THSD7B: variants seen among roughly 807,000 people sequenced by gnomAD.
THSD7B encodes thrombospondin type 1 domain containing 7B.
In THSD7B, 138 loss-of-function variants were observed where a neutral mutation model predicts 213.6. That is an observed-to-expected ratio of 0.65 (90% CI 0.56 to 0.74). THSD7B has a LOEUF of 0.74. Among genes scored for constraint, THSD7B ranks in the 30% least tolerant of loss-of-function variants. The probability of loss-of-function intolerance (pLI) is 0.00; values close to 1 mark genes in which losing one functional copy is unlikely to be tolerated. For missense variants in THSD7B, 1,931 were observed against 1,991.5 expected (o/e 0.97, Z 0.58); for synonymous variants, 742 against 687.0 (o/e 1.08, Z -1.25).
intron 20 of THSD7B, among the ~76,000 whole-genome samples, chr2:137,634,007 T>A (rs542109219): frequency 6.6e-6 from 1 of 152,284 alleles, no homozygotes; most frequent in South Asian, 2.1e-4. Context: ...TTCACTTATG[T>A]TGTCATCCAC....
chr2:136,771,131 A>C (rs1430966995), intron 1 of THSD7B, among the ~76,000 whole-genome samples: 1 of 152,100 alleles, frequency 6.6e-6, no homozygotes, highest in Non-Finnish European at 1.5e-5. Flanking sequence ...ATTTTTTTTC[A>C]ATCTCTGTTT....
At chr2:137,203,589 T>A (rs564074149) in intron 7 of THSD7B, among the ~76,000 whole-genome samples, 3 of 152,190 alleles carry the variant, frequency 2.0e-5, no homozygotes, top group Admixed American at 6.5e-5. Context: ...AACCTTTTTT[T>A]ATTTTATTAA....
intron 12 of THSD7B, among the ~76,000 whole-genome samples, chr2:137,350,551 G>A (rs1202377687): frequency 2.0e-5 from 3 of 151,746 alleles, no homozygotes; most frequent in Admixed American, 6.6e-5. Flanking sequence ...GTATCTAGAC[G>A]TTATGATAAA....
intron 16 of THSD7B, among the ~76,000 whole-genome samples, chr2:137,564,004 G>A (rs1681178856): frequency 6.6e-6 from 1 of 152,124 alleles, no homozygotes; most frequent in South Asian, 2.1e-4. Context: ...GAAGAACGAT[G>A]TCCTTACCAA....
At chr2:137,524,300 A>AT (rs760141208) in intron 15 of THSD7B, among the ~76,000 whole-genome samples, 3 of 152,094 alleles carry the variant, frequency 2.0e-5, no homozygotes, top group Non-Finnish European at 2.9e-5. Flanking sequence ...GAAATTCGTC[A>AT]TGTGGAACTG....
At chr2:137,672,266 A>AAGAGT (rs1247194506) in intron 27 of THSD7B, among the ~76,000 whole-genome samples, 3 of 152,184 alleles carry the variant, frequency 2.0e-5, no homozygotes, top group Non-Finnish European at 4.4e-5. Context: ...CCCTATTTTA[A>AAGAGT]AGAGTAATTG....
chr2:137,307,975 A>G (rs1015124924), intron 12 of THSD7B, among the ~76,000 whole-genome samples: 4 of 152,040 alleles, frequency 2.6e-5, no homozygotes, highest in Non-Finnish European at 5.9e-5. Context: ...AGAGGGAGGC[A>G]GGGGTGCAAA....
intron 15 of THSD7B, among the ~76,000 whole-genome samples, chr2:137,492,698 A>G (rs1679445689): frequency 6.6e-6 from 1 of 152,204 alleles, no homozygotes; most frequent in African/African-American, 2.4e-5. Flanking sequence ...ATTCTGCCAC[A>G]ATTGAATTAG....
At chr2:137,570,917 T>G (rs1253106890) in intron 16 of THSD7B, among the ~76,000 whole-genome samples, 1 of 152,202 alleles carries the variant, frequency 6.6e-6, no homozygotes, top group Non-Finnish European at 1.5e-5. Flanking sequence ...CAAAAGATAT[T>G]TTCACATAGA....
At chr2:136,806,848 G>C (rs1682291481) in intron 1 of THSD7B, among the ~76,000 whole-genome samples, 1 of 152,192 alleles carries the variant, frequency 6.6e-6, no homozygotes, top group Non-Finnish European at 1.5e-5. Context: ...TTCTCTGGAT[G>C]GTGATAGTTG....
At position 136,960,517 on chromosome 2, in the gene THSD7B, T is replaced by C. The variant is rs533598962; in HGVS notation, c.139+78200T>C. On this transcript the variant is annotated intron_variant, in intron 2 of 27. Coordinates refer to ENST00000409968, the MANE Select transcript of THSD7B (RefSeq NM_001316349.2). Reference sequence around the variant, plus strand: ...TCATTGGCAGTAAATACGGGGTAACTGTGGGAGGGGAATGCATTGAACTTT... The same window carrying C: ...TCATTGGCAGTAAATACGGGGTAACCGTGGGAGGGGAATGCATTGAACTTT... Among the ~76,000 whole-genome samples the C allele has an allele frequency of 2.0e-4, 31 of 152,268 alleles. 1 individual carries two copies. The South Asian group carries it at 4.8e-3, about 23-fold the overall frequency.
chr2:137,395,966 G>A (rs1344595871), intron 12 of THSD7B, among the ~76,000 whole-genome samples: 3 of 152,016 alleles, frequency 2.0e-5, no homozygotes, highest in Non-Finnish European at 4.4e-5. Flanking sequence ...TGTTTGTAGT[G>A]TTCTCTGATG....
At chr2:137,651,145 T>C (rs1683129703) in intron 21 of THSD7B, among the ~76,000 whole-genome samples, 1 of 152,136 alleles carries the variant, frequency 6.6e-6, no homozygotes, top group South Asian at 2.1e-4. Context: ...TTGAGTAGAA[T>C]TGGTATTAGT....
At chr2:137,533,998 GTA>G (rs1680452151) in intron 15 of THSD7B, among the ~76,000 whole-genome samples, 2 of 133,262 alleles carry the variant, frequency 1.5e-5, no homozygotes, top group Non-Finnish European at 3.2e-5. Flanking sequence ...CCGTGCACAT[GTA>G]TGTGTGTGTG....
At chr2:137,203,863 T>G (rs1680928098) in intron 7 of THSD7B, among the ~76,000 whole-genome samples, 1 of 152,150 alleles carries the variant, frequency 6.6e-6, no homozygotes, top group African/African-American at 2.4e-5. Flanking sequence ...CACGTTTGCA[T>G]GAACTTTGCT....
chr2:137,111,018 G>A (rs760659998), intron 4 of THSD7B, among the ~76,000 whole-genome samples: 5 of 152,106 alleles, frequency 3.3e-5, no homozygotes, highest in Non-Finnish European at 7.3e-5. Flanking sequence ...TGCACTCTAT[G>A]ATGTTTGCAA....
chr2:136,886,809 A>G (rs1322821587), intron 2 of THSD7B, among the ~76,000 whole-genome samples: 2 of 152,184 alleles, frequency 1.3e-5, no homozygotes, highest in African/African-American at 2.4e-5. Context: ...TACAGGGAAT[A>G]TTAAGCACTC....
chr2:136,978,953 C>T (rs888075538), intron 2 of THSD7B, among the ~76,000 whole-genome samples: 2 of 149,194 alleles, frequency 1.3e-5, no homozygotes, highest in African/African-American at 5.0e-5. Context: ...ATATTCATTG[C>T]TTTCTTCAGG....
intron 12 of THSD7B, among the ~76,000 whole-genome samples, chr2:137,314,890 A>G (rs539848046): frequency 1.0e-3 from 157 of 152,330 alleles, no homozygotes; most frequent in Middle Eastern, 3.4e-3. Flanking sequence ...GCGTGCTGGG[A>G]GAACCACTGC....
Sources: allele counts gnomAD v4.1 joint callset (sites outside exome capture counted in the v4.1 genomes callset), GRCh38; gene constraint gnomAD v4.1.1; transcripts MANE v1.5; gene names NCBI Gene and HGNC (gene_info 2026-07-23, HGNC 2026-07-21).